ZAN: variants seen among roughly 807,000 people sequenced by gnomAD.
ZAN encodes zonadhesin (gene/pseudogene).
Under a neutral mutation model 286.2 loss-of-function variants are expected in ZAN, and 260 were observed. That is an observed-to-expected ratio of 0.91 (90% CI 0.82 to 1.01). ZAN has a LOEUF of 1.01. ZAN is among the 50% of genes least tolerant of loss of function. The probability of loss-of-function intolerance (pLI) is 0.00; values close to 1 mark genes in which losing one functional copy is unlikely to be tolerated. For synonymous variants in ZAN, 1,368 were observed against 1,417.5 expected, an observed-to-expected ratio of 0.97 and a Z score of 0.79; for missense variants, 3,410 against 3,639.2, an observed-to-expected ratio of 0.94 and a Z score of 1.62.
chr7:100,774,508 A>G (rs920758889), intron 31 of ZAN, among the ~76,000 whole-genome samples: 2 of 152,050 alleles, frequency 1.3e-5, no homozygotes, highest in Middle Eastern at 3.2e-3. Context: ...CCATCTCTAC[A>G]AAAAAATAAA....
chr7:100,784,189 G>A (rs552126687), intron 35 of ZAN, among the ~76,000 whole-genome samples: 2 of 148,606 alleles, frequency 1.3e-5, no homozygotes, highest in East Asian at 3.9e-4. Flanking sequence ...GAGTGCAGTG[G>A]TGTGATCTTG....
chr7:100,750,283 C>T (rs892038256), intron 11 of ZAN, among the ~76,000 whole-genome samples: 3 of 151,846 alleles, frequency 2.0e-5, no homozygotes, highest in East Asian at 2.0e-4. Context: ...ACTCCAGGCA[C>T]GGGCCACCAC....
Position 100,751,842 on chromosome 7 carries a change from C to CA in ZAN, c.1738dup (p.Thr580AsnfsTer87). 6.2e-7 allele frequency: 1 copy of CA among 1,613,668 alleles called. No homozygotes were observed. Among genetic ancestry groups the CA allele is most frequent in the African/African-American group, 1.3e-5 (1 of 74,948 alleles). ...CAGTTTCCATAGAAAAACCCAGTGT[C>CA]ACCACAGAAAAGCCCACAGTCCCCA... On this transcript the variant is annotated frameshift_variant, in exon 14 of 48. Transcript: ENST00000613979. LOFTEE classifies it high-confidence loss of function.
chr7:100,749,678 A>C, intron 11 of ZAN, among the ~76,000 whole-genome samples: 1 of 137,714 alleles, frequency 7.3e-6, no homozygotes, highest in African/African-American at 2.8e-5. Flanking sequence ...ATATATATAC[A>C]CACACACACA....
rs565291495 is a variant in ZAN, at chr7:100,764,142, A to T, written c.4213A>T (p.Thr1405Ser). The change falls in exon 22 of 48, where the codon ACC becomes TCC. Residue 1405 changes from threonine (T) to serine (S), a missense_variant. By Grantham distance (58) the Thr-to-Ser change is moderately conservative. Around this residue, in one of 7 missense-constraint regions of ZAN, gnomAD observed 1,042 missense variants for 1,058.0 expected, o/e 0.98. Coordinates refer to ENST00000613979, the MANE Select transcript of ZAN (RefSeq NM_003386.3). Reference protein sequence around the residue: ...LCTHMSTMTTTCQDAGHAVKP... With the variant: ...LCTHMSTMTTSCQDAGHAVKP... Reference sequence around the variant, plus strand: ...CACACACATGTCCACCATGACCACCACCTGCCAGGACGCAGGCCACGCTGT... The same window carrying T: ...CACACACATGTCCACCATGACCACCTCCTGCCAGGACGCAGGCCACGCTGT... 1 of 1,607,866 alleles carries T rather than the reference A, an allele frequency of 6.2e-7. No homozygotes were observed. The highest frequency in any genetic ancestry group is 1.3e-5 in the African/African-American group (1 of 74,798).
chr7:100,779,706 G>A lies in ZAN; in HGVS notation c.6578G>A (p.Ser2193Asn). Residue 2193 changes from serine to asparagine, a missense_variant, in exon 35 of 48, where the codon AGC becomes AAC. This residue lies in a region of ZAN where 1,289 missense variants were observed against 1,314.3 expected (regional missense o/e 0.98). Transcript: ENST00000613979. ...ALQAFGATCQ[S>N]QGLKPPLWRN... is the part of the protein sequence containing the mutation. Reference sequence around the variant, plus strand: ...CAAGCCTTCGGGGCCACCTGCCAGAGCCAGGGGCTCAAGCCCCCACTCTGG... The same window carrying A: ...CAAGCCTTCGGGGCCACCTGCCAGAACCAGGGGCTCAAGCCCCCACTCTGG... The A allele has an allele frequency of 6.4e-7, 1 of 1,558,320 alleles. No homozygotes were observed. Among genetic ancestry groups the A allele is most frequent in the Non-Finnish European group, 8.7e-7 (1 of 1,151,324 alleles).
rs568386044 is a variant in ZAN, at chr7:100,772,136, C to T, written c.5425+116C>T. 1,743 of 1,308,080 alleles carry T rather than the reference C, an allele frequency of 1.3e-3. 2 individuals carry two copies. The highest frequency in any genetic ancestry group is 2.2e-3 in the Middle Eastern group (8 of 3,644). The allele number at this position is 1,308,080 out of a possible 1,614,324, so 81.0% of individuals were successfully genotyped here. On this transcript the variant is annotated intron_variant, in intron 29 of 47. Transcript: ENST00000613979. ...TGAGACGGAGTCTCACTCTGTTGCC[C>T]AGGCTGGAGTGCAGTGGCGCAATCT...
intron 33 of ZAN, 47 bp from the exon 34 acceptor site, chr7:100,776,393 C>G (rs1234100482): frequency 6.4e-7 from 1 of 1,571,056 alleles, no homozygotes; most frequent in Non-Finnish European, 8.6e-7. Context: ...GGGAGAAAAA[C>G]TGTTCTCGTG....
intron 26 of ZAN, among the ~76,000 whole-genome samples, 158 bp downstream of exon 26, chr7:100,768,169 G>A (rs1562939905): frequency 2.0e-5 from 3 of 152,118 alleles, no homozygotes; most frequent in Admixed American, 6.6e-5. Flanking sequence ...AAGGGAAGAC[G>A]GAGATGAAGA....
At chr7:100,791,915 A>G (rs914244872) in intron 40 of ZAN, 51 bp from the exon 41 acceptor site, 4 of 1,546,796 alleles carry the variant, frequency 2.6e-6, no homozygotes, top group Non-Finnish European at 3.5e-6. Flanking sequence ...TTCTTCCCCC[A>G]CTTCACCTTC....
rs770458771 is a variant in ZAN at position 100,736,991 on chromosome 7, G to A, written c.436G>A (p.Asp146Asn). Residue 146 changes from aspartate to asparagine, a missense_variant, in exon 5 of 48, where the codon GAT becomes AAT. Asp to Asn is a conservative substitution (Grantham distance 23, BLOSUM62 1). Around this residue, in one of 7 missense-constraint regions of ZAN, gnomAD observed 872 missense variants for 938.9 expected, o/e 0.93. Transcript: ENST00000613979. ...CTCGGGTGAAGAGGGCCGCCGCCCCGATGTGCTCTGGAAACACTGGAACAC... is the reference window on the plus strand; with the variant it reads ...CTCGGGTGAAGAGGGCCGCCGCCCCAATGTGCTCTGGAAACACTGGAACAC... ...LLSGEEGRRPDVLWKHWNTQR... is the reference protein window; with the variant it reads ...LLSGEEGRRPNVLWKHWNTQR... 8.7e-6 allele frequency: 13 copies of A among 1,502,146 alleles called. 2 individuals are homozygous for A. The highest frequency in any genetic ancestry group is 5.7e-5 in the African/African-American group (4 of 70,782). The allele number at this position is 1,502,146 out of a possible 1,614,324, so 93.1% of individuals were successfully genotyped here.
rs561774895 is a variant in ZAN, at chr7:100,747,022, T to G, written c.931+320T>G. On this transcript the variant is annotated intron_variant, in intron 8 of 47. Transcript: ENST00000613979. The stretch of plus-strand genomic sequence containing the variant: ...TCGCTTGAACCCGGGAGGCGGAGGT[T>G]GCAGTGAGCCGAGATCGCGCCACTG... Among the ~76,000 whole-genome samples, 8 of 151,890 alleles carry G rather than the reference T, an allele frequency of 5.3e-5. No individual in the cohort carries two copies. The South Asian group carries it at 1.7e-3, about 32-fold the overall frequency.
rs1228923795 is a variant in ZAN, at chr7:100,737,780, G to C, written c.613+431G>C. On this transcript the variant is annotated intron_variant, in intron 6 of 47. Transcript: ENST00000613979. Reference sequence around the variant, plus strand: ...GGGTCTGCCAGGTAGAGCTATTAGGGCTTTGACTCTGGAAGCAGCCGTGCC... The same window carrying C: ...GGGTCTGCCAGGTAGAGCTATTAGGCCTTTGACTCTGGAAGCAGCCGTGCC... Among the ~76,000 whole-genome samples the C allele has an allele frequency of 2.2e-5, 3 of 137,608 alleles. 1 individual carries two copies. The highest frequency in any genetic ancestry group is 2.2e-4 in the Admixed American group (3 of 13,812). The allele number at this position is 137,608 out of a possible 152,430, so 90.3% of individuals were successfully genotyped here. A position where few individuals can be genotyped will look rare whatever the true frequency, so the allele number is the denominator to read the frequency against.
chr7:100,785,923 T>C (rs1811532571), intron 36 of ZAN, 74 bp from the exon 37 acceptor site: 1 of 1,519,170 alleles, frequency 6.6e-7, no homozygotes, highest in Admixed American at 2.0e-5. Flanking sequence ...CCTCCCAAAG[T>C]GTTGGGATTA....
At chr7:100,761,651 T>A (rs1345883468) in intron 19 of ZAN, among the ~76,000 whole-genome samples, 3 of 150,462 alleles carry the variant, frequency 2.0e-5, no homozygotes, top group African/African-American at 4.9e-5. Context: ...AATAAAAAAA[T>A]AAATAAATAA....
At chr7:100,774,009 G>C (rs1810586301) in intron 31 of ZAN, 144 bp downstream of exon 31, 1 of 1,273,394 alleles carries the variant, frequency 7.9e-7, no homozygotes, top group Non-Finnish European at 1.1e-6. Flanking sequence ...TGGTGGGTAA[G>C]ATGACCTCCA....
rs752961687 is a variant in ZAN at position 100,736,853 on chromosome 7, G to C, written c.298G>C (p.Gly100Arg). 14 of 1,483,780 alleles carry C rather than the reference G, an allele frequency of 9.4e-6. No individual in the cohort carries two copies. The Middle Eastern group carries it at 1.0e-3, about 108-fold the overall frequency. 91.9% of individuals were successfully genotyped at this position (1,483,780 alleles called of 1,614,324 possible). ...HMESNSFHRG[G>R]VARLLSPDLW... ...GGAATCGAACAGCTTCCACCGTGGG[G>C]GAGTGGCCCGCCTGCTCAGCCCCGA... The change falls in exon 5 of 48, where the codon GGA becomes CGA. Residue 100 changes from glycine (G) to arginine (R), a missense_variant. Gly to Arg is a moderately radical substitution (Grantham distance 125, BLOSUM62 -2). Coordinates refer to ENST00000613979, the MANE Select transcript of ZAN (RefSeq NM_003386.3).
rs1808243949 is a variant in ZAN at position 100,746,675 on chromosome 7, G to T, written c.904G>T (p.Ala302Ser). Reference protein sequence around the residue: ...YILRGQSPGAALHIYASVLGS... With the variant: ...YILRGQSPGASLHIYASVLGS... ...CCTCCGGGGCCAGTCTCCTGGTGCA[G>T]CCCTCCACATTTATGCTTCAGTCTT... Residue 302 changes from alanine to serine, a missense_variant, in exon 8 of 48, where the codon GCC (alanine) becomes TCC (serine). Coordinates refer to ENST00000613979, the MANE Select transcript of ZAN (RefSeq NM_003386.3). 2.5e-6 allele frequency: 4 copies of T among 1,613,820 alleles called. No homozygotes were observed. Among genetic ancestry groups the T allele is most frequent in the Non-Finnish European group, 2.5e-6 (3 of 1,179,888 alleles).
chr7:100,763,665 G>T lies in ZAN; in HGVS notation c.3987-141G>T, dbSNP rs979430874. ...CCACAGTGCCTGGCCAGGGCTCAGT[G>T]GTCAAACATCCTCTGGGAGGGGTTT... On this transcript the variant is annotated intron_variant, in intron 20 of 47. Coordinates refer to ENST00000613979, the MANE Select transcript of ZAN (RefSeq NM_003386.3). The surrounding 1 kb of genome is among the most constrained non-coding windows in gnomAD (Gnocchi z 4.6). The T allele has an allele frequency of 3.0e-5, 24 of 800,012 alleles. No individual in the cohort carries two copies. The highest frequency in any genetic ancestry group is 4.6e-5 in the Non-Finnish European group (22 of 477,570). The allele number at this position is 800,012 out of a possible 1,614,324, so 49.6% of individuals were successfully genotyped here. A position where few individuals can be genotyped will look rare whatever the true frequency, so the allele number is the denominator to read the frequency against.
Sources: gnomAD v4.1 joint callset for allele counts (sites outside exome capture counted in the v4.1 genomes callset) on GRCh38, gnomAD v4.1.1 for gene constraint, gnomAD v4.1.1 regional missense constraint, Gnocchi (gnomAD v3.1) non-coding constraint, MANE v1.5 for transcripts, NCBI Gene and HGNC (gene_info 2026-07-23, HGNC 2026-07-21) for gene names.